ROBO1: variants seen among roughly 807,000 people sequenced by gnomAD.
ROBO1 encodes roundabout homolog 1.
In ROBO1, 149 loss-of-function variants were observed where a neutral mutation model predicts 195.9. That is an observed-to-expected ratio of 0.76 (90% CI 0.67 to 0.87). The LOEUF (loss-of-function observed/expected upper bound fraction) is 0.87, where lower values mean the gene tolerates loss of function less well. ROBO1 is among the 40% of genes least tolerant of loss of function. The pLI is 0.00. For synonymous variants in ROBO1, 816 were observed against 733.2 expected (o/e 1.11, Z -1.82); for missense variants, 1,933 against 2,068.3 (o/e 0.93, Z 1.27).
At chr3:78,972,794 G>C (rs982534377) in intron 3 of ROBO1, among the ~76,000 whole-genome samples, 1 of 152,060 alleles carries the variant, frequency 6.6e-6, no homozygotes, top group Non-Finnish European at 1.5e-5. Context: ...GGTAAGCAAA[G>C]GCCTCAGGCT....
intron 4 of ROBO1, among the ~76,000 whole-genome samples, chr3:78,778,273 A>C (rs2083565986): frequency 6.6e-6 from 1 of 152,174 alleles, no homozygotes; most frequent in Admixed American, 6.5e-5. Flanking sequence ...GATGTTCCTC[A>C]AGGACGTTGG....
intron 1 of ROBO1, among the ~76,000 whole-genome samples, chr3:79,660,179 A>G (rs1946289094): frequency 6.6e-6 from 1 of 151,892 alleles, no homozygotes; most frequent in Non-Finnish European, 1.5e-5. Context: ...CTTTATAGCA[A>G]AGAGATGTGG....
chr3:79,300,937 C>T (rs560300705), intron 2 of ROBO1, among the ~76,000 whole-genome samples: 10 of 152,120 alleles, frequency 6.6e-5, no homozygotes, highest in Non-Finnish European at 1.0e-4. Context: ...GGATTGTAAA[C>T]GCACCAATCA....
Position 78,651,909 on chromosome 3 carries a change from A to G in ROBO1, c.2635T>C (p.Ser879Pro), listed in dbSNP as rs1178893425. Residue 879 changes from serine (S) to proline (P), a missense_variant, in exon 19 of 31, where the codon TCA becomes CCA. Ser to Pro is a moderately conservative substitution (Grantham distance 74). Coordinates refer to ENST00000464233, the MANE Select transcript of ROBO1 (RefSeq NM_002941.4). ...IQLDAHGNPV[S>P]PEDQVSLAQQ... ...GCGAGGCTGACTTGGTCCTCAGGTGACACAGGGTTTCCATGGGCATCTGAA... is the reference window on the plus strand; with the variant it reads ...GCGAGGCTGACTTGGTCCTCAGGTGGCACAGGGTTTCCATGGGCATCTGAA... The G allele has an allele frequency of 1.2e-6, 2 of 1,612,574 alleles. No homozygotes were observed. The highest frequency in any genetic ancestry group is 1.7e-6 in the Non-Finnish European group (2 of 1,179,324).
In ROBO1 at chr3:78,597,568, A is replaced by G. The variant is rs1702899215; in HGVS notation, c.*1345T>C. ...TTTTTCTTCAAATAGCACCAATTATAAAATCAATGATATTCATAAAATGAC... is the reference window on the plus strand; with the variant it reads ...TTTTTCTTCAAATAGCACCAATTATGAAATCAATGATATTCATAAAATGAC... On this transcript the variant is annotated 3_prime_UTR_variant, in exon 31 of 31. Transcript: ENST00000464233. 6.6e-6 allele frequency: 1 copy of G among 151,836 alleles called. No homozygotes were observed. The highest frequency in any genetic ancestry group is 2.4e-5 in the African/African-American group (1 of 40,884). 9.4% of individuals were successfully genotyped at this position (151,836 alleles called of 1,614,324 possible).
intron 4 of ROBO1, among the ~76,000 whole-genome samples, chr3:78,749,868 C>T (rs924340177): frequency 1.1e-4 from 17 of 151,978 alleles, no homozygotes; most frequent in Non-Finnish European, 1.6e-4. Context: ...TGATTTGAAT[C>T]GTATGAAAAT....
intron 2 of ROBO1, among the ~76,000 whole-genome samples, chr3:79,360,185 A>G (rs2035712753): frequency 6.6e-6 from 1 of 152,074 alleles, no homozygotes; most frequent in Admixed American, 6.6e-5. Flanking sequence ...TAGTCTTAAT[A>G]GCATCATATT....
chr3:79,255,933 A>C (rs1444265153), intron 2 of ROBO1, among the ~76,000 whole-genome samples: 1 of 152,166 alleles, frequency 6.6e-6, no homozygotes, highest in Non-Finnish European at 1.5e-5. Flanking sequence ...GTGGAATAAG[A>C]GAGGCAAGCA....
At chr3:79,037,197 TC>T (rs907498683) in intron 3 of ROBO1, among the ~76,000 whole-genome samples, 1 of 152,208 alleles carries the variant, frequency 6.6e-6, no homozygotes, top group Non-Finnish European at 1.5e-5. Flanking sequence ...ATTGATGCTT[TC>T]AGAATTAATT....
chr3:78,637,975 G>GT (rs369596087), intron 22 of ROBO1, among the ~76,000 whole-genome samples: 17 of 136,310 alleles, frequency 1.2e-4, no homozygotes, highest in Admixed American at 2.3e-4. Context: ...GCAATATTGG[G>GT]TTTTTTTTTG....
chr3:79,639,370 A>G (rs1427249908), intron 1 of ROBO1, among the ~76,000 whole-genome samples: 1 of 152,170 alleles, frequency 6.6e-6, no homozygotes, highest in Non-Finnish European at 1.5e-5. Context: ...TTTCAGAAGG[A>G]CTGTTTTGAA....
Position 79,191,574 on chromosome 3 carries a change from T to C in ROBO1, c.89-66035A>G, listed in dbSNP as rs112125103. 8.8e-4 allele frequency among the ~76,000 whole-genome samples: 133 copies of C among 151,480 alleles called. 1 individual carries two copies. The highest frequency in any genetic ancestry group is 3.1e-3 in the African/African-American group (128 of 41,460). ...ATTAATATAAAATATAAATTATTAA[T>C]ATACCACACATATTGTATGAGTGAG... is the stretch of plus-strand genomic sequence containing the variant. On this transcript the variant is annotated intron_variant, in intron 2 of 30. Transcript: ENST00000464233.
intron 2 of ROBO1, chr3:79,512,815 A>G (rs1471444038): frequency 6.6e-6 from 1 of 152,200 alleles, no homozygotes; most frequent in Non-Finnish European, 1.5e-5. Flanking sequence ...TACACAGTGT[A>G]GGATTTTAAT....
rs1253916413 is a variant in ROBO1, at chr3:78,639,948, T to C, written c.2883-50A>G. 3.1e-6 allele frequency: 4 copies of C among 1,304,608 alleles called. No homozygotes were observed. The South Asian group carries it at 4.5e-5, about 15-fold the overall frequency. The allele number at this position is 1,304,608 out of a possible 1,614,324, so 80.8% of individuals were successfully genotyped here. A position where few individuals can be genotyped will look rare whatever the true frequency, so the allele number is the denominator to read the frequency against. On this transcript the variant is annotated intron_variant, in intron 21 of 30. Coordinates refer to ENST00000464233, the MANE Select transcript of ROBO1 (RefSeq NM_002941.4). The stretch of plus-strand genomic sequence containing the variant: ...CAAATGTTATATGAATAGAGAGTAA[T>C]ATTTTCTATTTAAAATTCCAATAAA...
intron 1 of ROBO1, among the ~76,000 whole-genome samples, chr3:79,722,232 G>C (rs1458743606): frequency 1.3e-5 from 2 of 152,128 alleles, no homozygotes; most frequent in African/African-American, 4.8e-5. Context: ...GGTATGTACT[G>C]GTAGCTCAAG....
At chr3:79,595,725 T>A (rs76736774) in intron 1 of ROBO1, among the ~76,000 whole-genome samples, 7 of 112,598 alleles carry the variant, frequency 6.2e-5, no homozygotes, top group Admixed American at 6.0e-4. Context: ...TTCTTTTTAC[T>A]TTTTTTTTTT....
In ROBO1 at chr3:79,161,737, A is replaced by T. The variant is rs528405370; in HGVS notation, c.89-36198T>A. On this transcript the variant is annotated intron_variant, in intron 2 of 30. Transcript: ENST00000464233. ...GTGCAGGTGCTTTATTGGCACTGCCATAGCCAGAGCTAGCCTCTAGTACCA... is the reference window on the plus strand; with the variant it reads ...GTGCAGGTGCTTTATTGGCACTGCCTTAGCCAGAGCTAGCCTCTAGTACCA... Among the ~76,000 whole-genome samples, 4 of 152,242 alleles carry T rather than the reference A, an allele frequency of 2.6e-5. No homozygotes were observed. The East Asian group carries it at 7.8e-4, about 30-fold the overall frequency.
At chr3:79,095,693 A>T (rs2079554254) in intron 3 of ROBO1, among the ~76,000 whole-genome samples, 1 of 152,132 alleles carries the variant, frequency 6.6e-6, no homozygotes, top group African/African-American at 2.4e-5. Flanking sequence ...TTGCACAGCA[A>T]TAGAAAACTA....
chr3:78,710,322 A>C (rs1455151972), intron 8 of ROBO1, among the ~76,000 whole-genome samples: 1 of 152,204 alleles, frequency 6.6e-6, no homozygotes, highest in Non-Finnish European at 1.5e-5. Context: ...TAAAGGTTTT[A>C]AAAAATGAAA....
Sources: allele counts gnomAD v4.1 joint callset (sites outside exome capture counted in the v4.1 genomes callset), GRCh38; gene constraint gnomAD v4.1.1; transcripts MANE v1.5; gene names NCBI Gene and HGNC (gene_info 2026-07-23, HGNC 2026-07-21).